Variants in SGCD observed in about 807,000 individuals in gnomAD.
SGCD encodes sarcoglycan delta, also known as delta-sarcoglycan.
A neutral mutation model predicts 36.6 loss-of-function variants in SGCD; 18 were observed. That is an observed-to-expected ratio of 0.49 (90% CI 0.34 to 0.73). The LOEUF is 0.73. SGCD is among the 30% of genes least tolerant of loss of function. The pLI, the probability that SGCD is intolerant of heterozygous loss-of-function variation, is 0.01. For synonymous variants in SGCD, 133 were observed against 130.6 expected, an observed-to-expected ratio of 1.02 and a Z score of -0.12; for missense variants, 387 against 346.7, an observed-to-expected ratio of 1.12 and a Z score of -0.92.
chr5:156,322,272 A>G (rs1218581565), upstream of SGCD, among the ~76,000 whole-genome samples: 2 of 152,240 alleles, frequency 1.3e-5, no homozygotes, highest in East Asian at 1.9e-4. Flanking sequence ...GGTCAGAAAG[A>G]GTAAATGAGA....
At chr5:155,970,457 G>T (rs192140595) in intron 1 of SGCD, among the ~76,000 whole-genome samples, 16 of 152,180 alleles carry the variant, frequency 1.1e-4, no homozygotes, top group Non-Finnish European at 1.8e-4. Context: ...TGCTAGAGTT[G>T]TAGCAGTAAA....
chr5:155,793,244 G>A, the SGCD span, among the ~76,000 whole-genome samples: 1 of 151,996 alleles, frequency 6.6e-6, no homozygotes, highest in Non-Finnish European at 1.5e-5. Context: ...TAGATGCTGG[G>A]GACTACTAGG....
At chr5:155,831,313 G>A in the SGCD span, among the ~76,000 whole-genome samples, 10 of 152,192 alleles carry the variant, frequency 6.6e-5, no homozygotes, top group Admixed American at 3.9e-4. Context: ...CCCTTTCTCC[G>A]TGCCTCCGTC....
intron 3 of SGCD, among the ~76,000 whole-genome samples, chr5:156,281,021 C>T (rs1245597588): frequency 2.6e-5 from 4 of 152,094 alleles, no homozygotes; most frequent in Non-Finnish European, 5.9e-5. Context: ...AACCAATTAA[C>T]TTACATCTAT....
intron 1 of SGCD, among the ~76,000 whole-genome samples, chr5:155,892,636 A>T (rs1580975511): frequency 1.3e-5 from 2 of 152,230 alleles, no homozygotes; most frequent in South Asian, 2.1e-4. Context: ...TAGAATTTGG[A>T]ATTTTTGTGT....
chr5:155,761,880 C>A, the SGCD span, among the ~76,000 whole-genome samples: 1 of 152,272 alleles, frequency 6.6e-6, no homozygotes, highest in Non-Finnish European at 1.5e-5. Flanking sequence ...ATCATCCTCC[C>A]TATTGTCCTT....
chr5:155,789,323 A>G, the SGCD span, among the ~76,000 whole-genome samples: 1 of 152,252 alleles, frequency 6.6e-6, no homozygotes, highest in East Asian at 1.9e-4. Context: ...TTAACTGTTT[A>G]TTGAAATTTG....
chr5:156,545,216 C>T (rs1404191931), intron 4 of SGCD, among the ~76,000 whole-genome samples: 2 of 152,058 alleles, frequency 1.3e-5, no homozygotes, highest in East Asian at 3.8e-4. Flanking sequence ...AGTAGTTATA[C>T]CACCCCACAA....
chr5:156,443,674 A>G (rs1017414413), intron 3 of SGCD, among the ~76,000 whole-genome samples: 1 of 152,148 alleles, frequency 6.6e-6, no homozygotes, highest in Non-Finnish European at 1.5e-5. Flanking sequence ...CTCTTCTCAT[A>G]TCCGACACTA....
chr5:156,375,945 A>G (rs1260838433), intron 3 of SGCD, among the ~76,000 whole-genome samples: 1 of 152,190 alleles, frequency 6.6e-6, no homozygotes, highest in African/African-American at 2.4e-5. Context: ...TAAAACATTG[A>G]AAATGACTGA....
chr5:155,904,987 A>G (rs1756471293), intron 1 of SGCD, among the ~76,000 whole-genome samples: 1 of 152,194 alleles, frequency 6.6e-6, no homozygotes, highest in South Asian at 2.1e-4. Flanking sequence ...TAGCCATTCA[A>G]CAAAGAGCCT....
chr5:156,171,533 G>T (rs1763347842), intron 3 of SGCD, among the ~76,000 whole-genome samples: 1 of 152,110 alleles, frequency 6.6e-6, no homozygotes, highest in South Asian at 2.1e-4. Context: ...GACATATTGG[G>T]AAAATCCAAA....
At chr5:156,596,701 T>C (rs1760939704) in intron 6 of SGCD, among the ~76,000 whole-genome samples, 1 of 152,192 alleles carries the variant, frequency 6.6e-6, no homozygotes, top group African/African-American at 2.4e-5. Flanking sequence ...TCTAATTTCC[T>C]TTCTGGATGA....
At chr5:155,798,404 C>T in the SGCD span, among the ~76,000 whole-genome samples, 1 of 152,170 alleles carries the variant, frequency 6.6e-6, no homozygotes, top group African/African-American at 2.4e-5. Flanking sequence ...TAACTTCATG[C>T]TTTTTTAGCT....
the SGCD span, among the ~76,000 whole-genome samples, chr5:155,782,681 G>T: frequency 6.6e-6 from 1 of 152,162 alleles, no homozygotes; most frequent in South Asian, 2.1e-4. Context: ...TGAGCAGGGG[G>T]CAAATGAGCA....
At chr5:156,281,804 T>C (rs774684250) in intron 3 of SGCD, among the ~76,000 whole-genome samples, 1 of 152,242 alleles carries the variant, frequency 6.6e-6, no homozygotes, top group Non-Finnish European at 1.5e-5. Flanking sequence ...GGTAAAATGA[T>C]GTCATCAACA....
chr5:156,695,527 AG>A (rs1561862022), intron 7 of SGCD, among the ~76,000 whole-genome samples: 19 of 53,076 alleles, frequency 3.6e-4, no homozygotes, highest in African/African-American at 1.5e-3. Context: ...ATAGATAGAT[AG>A]ATAGATAGAT....
intron 3 of SGCD, among the ~76,000 whole-genome samples, chr5:156,259,335 A>G (rs1765793721): frequency 6.6e-6 from 1 of 151,746 alleles, no homozygotes; most frequent in Non-Finnish European, 1.5e-5. Flanking sequence ...TATTTTGTAG[A>G]GTTTTATGTA....
intron 1 of SGCD, among the ~76,000 whole-genome samples, chr5:156,035,333 T>G (rs1349022698): frequency 6.6e-6 from 1 of 152,148 alleles, no homozygotes; most frequent in Non-Finnish European, 1.5e-5. Context: ...ATAGGGCCAG[T>G]CATGGTGGCT....
Sources: allele counts gnomAD v4.1 joint callset (sites outside exome capture counted in the v4.1 genomes callset), GRCh38; gene constraint gnomAD v4.1.1; transcripts MANE v1.5; gene names NCBI Gene and HGNC (gene_info 2026-07-23, HGNC 2026-07-21).